Variants in C4orf50 observed in about 807,000 individuals in gnomAD.
C4orf50 encodes chromosome 4 open reading frame 50, also known as uncharacterized protein C4orf50.
In C4orf50, 80 loss-of-function variants were observed where a neutral mutation model predicts 77.2. The observed-to-expected ratio is 1.04, with a 90% CI of 0.87 to 1.25. The LOEUF (loss-of-function observed/expected upper bound fraction) is 1.25. C4orf50 is among the 50% of genes most tolerant of loss of function. The pLI, the probability that C4orf50 is intolerant of heterozygous loss-of-function variation, is 0.00. For synonymous variants in C4orf50, 532 were observed against 465.3 expected (o/e 1.14, Z -1.84); for missense variants, 1,257 against 1,152.9 (o/e 1.09, Z -1.31).
intron 7 of C4orf50, among the ~76,000 whole-genome samples, chr4:5,937,595 A>G (rs2108749007): frequency 6.6e-6 from 1 of 152,332 alleles, no homozygotes; most frequent in South Asian, 2.1e-4. Context: ...CAGTTATCAT[A>G]ATCATTATAA....
At chr4:5,936,562 C>CAAA (rs374200584) in intron 7 of C4orf50, among the ~76,000 whole-genome samples, 30,326 of 74,852 alleles carry the variant, frequency 0.41, 6,709 homozygotes, top group Non-Finnish European at 0.51. Flanking sequence ...GACGCCATCT[C>CAAA]AAAAAAAAAA....
At chr4:5,911,786 G>A (rs952020230) in intron 7 of C4orf50, among the ~76,000 whole-genome samples, 12 of 152,180 alleles carry the variant, frequency 7.9e-5, no homozygotes, top group African/African-American at 1.9e-4. Flanking sequence ...GGTGGCTCAC[G>A]CCTGTAATCC....
chr4:5,989,879 C>A (rs1477667739), exon 28 of C4orf50: 4 of 1,441,442 alleles, frequency 2.8e-6, no homozygotes, highest in Non-Finnish European at 3.6e-6. Context: ...AGCCCTTTGT[C>A]CTCCAGGCTT....
In C4orf50 at chr4:5,908,310, GCTGA is replaced by G. The variant is rs1302565629; in HGVS notation, c.*2475-10126_*2475-10123del. ...TCAGATGAAGGATCCATTTGAGAAA[GCTGA>G]CTGAGACATTATGACAGGGTACATG... On this transcript the variant is annotated intron_variant, in intron 7 of 7. Coordinates refer to the C4orf50 transcript ENST00000324058. The surrounding 1 kb of genome is among the most constrained non-coding windows in gnomAD (Gnocchi z 5.6). Among the ~76,000 whole-genome samples the G allele has an allele frequency of 6.6e-6, 1 of 152,100 alleles. No individual in the cohort carries two copies. The highest frequency in any genetic ancestry group is 1.5e-5 in the Non-Finnish European group (1 of 68,002).
intron 27 of C4orf50, among the ~76,000 whole-genome samples, chr4:5,991,451 G>C (rs1721291564): frequency 6.6e-6 from 1 of 152,146 alleles, no homozygotes; most frequent in African/African-American, 2.4e-5. Flanking sequence ...TCAACTCCTG[G>C]GCCTAGAACA....
At chr4:5,967,385 G>A (rs771556129) in intron 32 of C4orf50, 29 bp downstream of exon 10, 1 of 1,597,260 alleles carries the variant, frequency 6.3e-7, no homozygotes, top group East Asian at 2.2e-5. Context: ...TGAGCACACA[G>A]GCTTTTCCTG....
At chr4:5,988,225 G>T in intron 28 of C4orf50, 122 bp downstream of exon 6, 1 of 1,278,872 alleles carries the variant, frequency 7.8e-7, no homozygotes, top group Admixed American at 2.3e-5. Flanking sequence ...CCTCTCATCT[G>T]GTAAGTGGGG....
chr4:5,916,584 T>C lies in C4orf50; in HGVS notation c.*2475-18396A>G, dbSNP rs1284080090. 6.6e-6 allele frequency among the ~76,000 whole-genome samples: 1 copy of C among 152,164 alleles called. No individual in the cohort carries two copies. Among genetic ancestry groups the C allele is most frequent in the Non-Finnish European group, 1.5e-5 (1 of 68,030 alleles). Reference sequence around the variant, plus strand: ...GTTTCTAAAAGCTGCCTGTCTTGGATTGGGCACCCTCAAAAGCAGAGCCTG... The same window carrying C: ...GTTTCTAAAAGCTGCCTGTCTTGGACTGGGCACCCTCAAAAGCAGAGCCTG... On this transcript the variant is annotated intron_variant, in intron 7 of 7. Transcript: ENST00000324058. The surrounding 1 kb of genome is among the most constrained non-coding windows in gnomAD (Gnocchi z 4.4).
At chr4:5,982,929 C>A (rs886677662) in intron 28 of C4orf50, among the ~76,000 whole-genome samples, 2 of 152,132 alleles carry the variant, frequency 1.3e-5, no homozygotes, top group Non-Finnish European at 2.9e-5. Flanking sequence ...GGGGTATAAG[C>A]AGCAACAGTG....
At chr4:5,964,945 T>C (rs1294287688) in intron 33 of C4orf50, 79 bp downstream of exon 11, 1 of 1,425,898 alleles carries the variant, frequency 7.0e-7, no homozygotes, top group Non-Finnish European at 9.7e-7. Flanking sequence ...ATCGCTTGGA[T>C]AATTTGCTAA....
exon 28 of C4orf50, chr4:5,990,209 C>T (rs1044806675): frequency 1.3e-5 from 16 of 1,244,460 alleles, no homozygotes; most frequent in East Asian, 3.1e-5. Context: ...CGGCAGGTGG[C>T]GGCCTTAGTC....
intron 7 of C4orf50, among the ~76,000 whole-genome samples, chr4:5,944,586 A>G (rs1343785180): frequency 6.6e-6 from 1 of 152,118 alleles, no homozygotes; most frequent in East Asian, 1.9e-4. Flanking sequence ...TACCTCGGAG[A>G]ACCTTCTGGA....
At position 5,916,588 on chromosome 4, in the gene C4orf50, G is replaced by A. The variant is rs552491789; in HGVS notation, c.*2475-18400C>T. Among the ~76,000 whole-genome samples the A allele has an allele frequency of 8.5e-5, 13 of 152,326 alleles. No individual in the cohort carries two copies. The highest frequency in any genetic ancestry group is 3.1e-4 in the African/African-American group (13 of 41,574). ...CTAAAAGCTGCCTGTCTTGGATTGG[G>A]CACCCTCAAAAGCAGAGCCTGAGAC... On this transcript the variant is annotated intron_variant, in intron 7 of 7. Transcript: ENST00000324058. The surrounding 1 kb of genome is among the most constrained non-coding windows in gnomAD (Gnocchi z 4.4).
At chr4:5,921,662 G>A (rs1717278630) in intron 7 of C4orf50, among the ~76,000 whole-genome samples, 1 of 152,160 alleles carries the variant, frequency 6.6e-6, no homozygotes, top group Non-Finnish European at 1.5e-5. Context: ...GGCAGAGCTG[G>A]AGAGAGGAGG....
At chr4:5,926,712 A>G (rs778520588) in intron 7 of C4orf50, among the ~76,000 whole-genome samples, 1 of 152,102 alleles carries the variant, frequency 6.6e-6, no homozygotes, top group Non-Finnish European at 1.5e-5. Context: ...GACAAGCGCA[A>G]TAAAGTGGTG....
In C4orf50 at chr4:6,018,060, T is replaced by G. The variant is rs1722747412; in HGVS notation, c.287+85A>C. ...TGAGCCAGTTTCCCCAGCTGTGTGG[T>G]GTGATTCAACACACCATGGTGACAC... On this transcript the variant is annotated intron_variant, in intron 23 of 33. Coordinates refer to ENST00000531445, the Ensembl canonical transcript of C4orf50. The surrounding 1 kb of genome is among the most constrained non-coding windows in gnomAD (Gnocchi z 5.1). 1 of 397,628 alleles carries G rather than the reference T, an allele frequency of 2.5e-6. No individual in the cohort carries two copies. Among genetic ancestry groups the G allele is most frequent in the African/African-American group, 2.1e-5 (1 of 48,620 alleles). 24.6% of individuals were successfully genotyped at this position (397,628 alleles called of 1,614,324 possible).
rs149959465 is a variant in C4orf50 at position 6,017,687 on chromosome 4, C to T, written c.287+458G>A. On this transcript the variant is annotated intron_variant, in intron 23 of 33. Coordinates refer to ENST00000531445, the Ensembl canonical transcript of C4orf50. The surrounding 1 kb of genome is among the most constrained non-coding windows in gnomAD (Gnocchi z 4.7). ...GCTGTGTGGACATCTACTTGTCTGGCGGCTGCCTAAAACCATGCTTCTGTC... is the reference window on the plus strand; with the variant it reads ...GCTGTGTGGACATCTACTTGTCTGGTGGCTGCCTAAAACCATGCTTCTGTC... Among the ~76,000 whole-genome samples, 1,467 of 152,190 alleles carry T rather than the reference C, an allele frequency of 9.6e-3. 14 individuals are homozygous for T. Among genetic ancestry groups the T allele is most frequent in the African/African-American group, 0.012 (513 of 41,528 alleles).
At chr4:5,973,623 T>C (rs751246330) in intron 31 of C4orf50, 36 bp downstream of exon 9, 46 of 1,563,066 alleles carry the variant, frequency 2.9e-5, no homozygotes, top group Admixed American at 1.0e-4. Context: ...CACACTCCCA[T>C]AGGAAGCACA....
In C4orf50 at chr4:6,013,517, C is replaced by A. The variant is rs567072721; in HGVS notation, c.288-1549G>T. ...AATTTTGGCCCCAAGTTCATCCAGG[C>A]CCTAATCCCTGGAACCTATGAATGT... On this transcript the variant is annotated intron_variant, in intron 23 of 33. Coordinates refer to ENST00000531445, the Ensembl canonical transcript of C4orf50. Among the ~76,000 whole-genome samples the A allele has an allele frequency of 2.6e-5, 4 of 152,246 alleles. No homozygotes were observed. The East Asian group carries it at 7.7e-4, about 29-fold the overall frequency.
Sources: gnomAD v4.1 joint callset for allele counts (sites outside exome capture counted in the v4.1 genomes callset) on GRCh38, gnomAD v4.1.1 for gene constraint, Gnocchi (gnomAD v3.1) non-coding constraint, MANE v1.5 for transcripts, NCBI Gene and HGNC (gene_info 2026-07-23, HGNC 2026-07-21) for gene names.